The following CLSTN1 variants were observed in gnomAD, a reference collection of about 807,000 sequenced individuals.
CLSTN1 encodes calsyntenin 1, also known as calsyntenin-1.
CLSTN1 carries 28 observed loss-of-function variants against 108.3 expected under a neutral mutation model. That is an observed-to-expected ratio of 0.26 (90% CI 0.19 to 0.35). The LOEUF (loss-of-function observed/expected upper bound fraction) is 0.35, where lower values mean the gene tolerates loss of function less well. Ranked by LOEUF, CLSTN1 falls within the 10% of genes least tolerant of loss-of-function variation. The pLI is 1.00. For missense variants in CLSTN1, 1,157 were observed against 1,302.6 expected (o/e 0.89, Z 1.72); for synonymous variants, 524 against 534.9 (o/e 0.98, Z 0.28).
At chr1:9,761,455 T>G (rs964803553) in intron 2 of CLSTN1, among the ~76,000 whole-genome samples, 5 of 152,282 alleles carry the variant, frequency 3.3e-5, no homozygotes, top group Non-Finnish European at 7.4e-5. Flanking sequence ...ATCATGCCAC[T>G]GCACTCCAGC....
chr1:9,737,616 A>G (rs953606193), intron 10 of CLSTN1, 62 bp from the exon 11 acceptor site: 6 of 1,460,068 alleles, frequency 4.1e-6, no homozygotes, highest in African/African-American at 1.4e-5. Context: ...TTCAAACCGG[A>G]CCTTGAAAAC....
chr1:9,764,200 G>C lies in CLSTN1; in HGVS notation c.215-7690C>G, dbSNP rs539009024. 9.5e-4 allele frequency among the ~76,000 whole-genome samples: 145 copies of C among 151,906 alleles called. 1 individual carries two copies. The highest frequency in any genetic ancestry group is 3.4e-3 in the African/African-American group (141 of 41,412). On this transcript the variant is annotated intron_variant, in intron 2 of 18. Coordinates refer to ENST00000377298, the MANE Select transcript of CLSTN1 (RefSeq NM_001009566.3). ...CTCTTTTTAGCAATGAGCTCTTGTGGGAACTAAAAGAGTGAGAATTCACCC... is the reference window on the plus strand; with the variant it reads ...CTCTTTTTAGCAATGAGCTCTTGTGCGAACTAAAAGAGTGAGAATTCACCC...
chr1:9,738,042 G>A (rs188499402), intron 10 of CLSTN1, among the ~76,000 whole-genome samples: 25 of 152,288 alleles, frequency 1.6e-4, no homozygotes, highest in Non-Finnish European at 5.9e-5. Flanking sequence ...GTAAGCATGC[G>A]GAAGTCTGTA....
chr1:9,790,908 T>C (rs912817746), intron 1 of CLSTN1, among the ~76,000 whole-genome samples: 2 of 148,428 alleles, frequency 1.3e-5, no homozygotes, highest in East Asian at 2.0e-4. Context: ...CCAAGGTGAG[T>C]GGATCATGAG....
rs70998306 is a variant in CLSTN1, at chr1:9,747,176, C to CAA, written c.985+2283_985+2284dup. 4.5e-3 allele frequency among the ~76,000 whole-genome samples: 147 copies of CAA among 32,720 alleles called. 5 individuals carry two copies. Among genetic ancestry groups the CAA allele is most frequent in the African/African-American group, 8.1e-3 (98 of 12,112 alleles). The allele number at this position is 32,720 out of a possible 152,430, so 21.5% of individuals were successfully genotyped here. A position where few individuals can be genotyped will look rare whatever the true frequency, so the allele number is the denominator to read the frequency against. Reference sequence around the variant, plus strand: ...CCTGGGCGACAGAGGGAGACTGTCTCAAAAAAAAAAAAAAAAAAAAAAAAA... The same window carrying CAA: ...CCTGGGCGACAGAGGGAGACTGTCTCAAAAAAAAAAAAAAAAAAAAAAAAAAA... On this transcript the variant is annotated intron_variant, in intron 7 of 18. Transcript: ENST00000377298.
intron 4 of CLSTN1, 44 bp downstream of exon 4, chr1:9,755,070 G>A (rs757561175): frequency 1.9e-6 from 3 of 1,559,096 alleles, no homozygotes; most frequent in Admixed American, 1.7e-5. Context: ...GCGCACACAC[G>A]TTTACTCGGT....
chr1:9,754,885 C>T (rs1651735783), intron 4 of CLSTN1, among the ~76,000 whole-genome samples: 1 of 151,996 alleles, frequency 6.6e-6, no homozygotes, highest in Non-Finnish European at 1.5e-5. Context: ...CCCCAAAAAA[C>T]CTAATATGCC....
chr1:9,797,273 GAGACCCTGTCCAAA>G (rs1020953519), intron 1 of CLSTN1, among the ~76,000 whole-genome samples: 14 of 152,020 alleles, frequency 9.2e-5, no homozygotes, highest in African/African-American at 3.4e-4. Flanking sequence ...GCAATGCAGT[GAGACCCTGTCCAAA>G]AGAAAGAAAA....
intron 1 of CLSTN1, among the ~76,000 whole-genome samples, chr1:9,794,799 A>G (rs1041700970): frequency 1.3e-5 from 2 of 151,528 alleles, no homozygotes; most frequent in African/African-American, 4.8e-5. Context: ...ATCCTTAATC[A>G]AAACATAACA....
chr1:9,760,492 C>T (rs1652018841), intron 2 of CLSTN1, among the ~76,000 whole-genome samples: 1 of 152,070 alleles, frequency 6.6e-6, no homozygotes, highest in Admixed American at 6.6e-5. Context: ...ACGGATCGGA[C>T]TGGAGCAAGA....
chr1:9,803,662 G>A (rs1212526613), intron 1 of CLSTN1, among the ~76,000 whole-genome samples: 2 of 152,018 alleles, frequency 1.3e-5, no homozygotes, highest in African/African-American at 4.8e-5. Context: ...AATTAGCTGG[G>A]TGTGGTGGTA....
intron 1 of CLSTN1, among the ~76,000 whole-genome samples, chr1:9,802,183 A>AT (rs1654302058): frequency 6.6e-6 from 1 of 152,214 alleles, no homozygotes; most frequent in South Asian, 2.1e-4. Flanking sequence ...GTTCATGCTC[A>AT]TAACTGCTCC....
At chr1:9,775,525 G>A (rs1652896217) in intron 1 of CLSTN1, among the ~76,000 whole-genome samples, 1 of 151,894 alleles carries the variant, frequency 6.6e-6, no homozygotes, top group South Asian at 2.1e-4. Flanking sequence ...GATGTCAGAC[G>A]TCCTCCTGGT....
chr1:9,756,122 G>A (rs1299377042), intron 3 of CLSTN1, among the ~76,000 whole-genome samples: 1 of 152,202 alleles, frequency 6.6e-6, no homozygotes, highest in Non-Finnish European at 1.5e-5. Context: ...CAGTATAAAT[G>A]TTTTGATGTC....
intron 1 of CLSTN1, among the ~76,000 whole-genome samples, chr1:9,808,801 T>C (rs1160843821): frequency 1.3e-5 from 2 of 152,104 alleles, no homozygotes; most frequent in African/African-American, 2.4e-5. Flanking sequence ...ATCACTGCTC[T>C]CTGCACCAGC....
rs780808018 is a variant in CLSTN1, at chr1:9,735,866, G to T, written c.1734+19C>A. On this transcript the variant is annotated intron_variant, in intron 12 of 18. Transcript: ENST00000377298. The stretch of plus-strand genomic sequence containing the variant: ...CTAAGGGGCCCATGAGTGGTGTGCA[G>T]TCGAGCGCTCGGTGTTACCTGCACG... The T allele has an allele frequency of 1.2e-6, 2 of 1,613,754 alleles. No homozygotes were observed. The highest frequency in any genetic ancestry group is 1.7e-6 in the Non-Finnish European group (2 of 1,179,862).
chr1:9,777,401 T>A (rs1232175058), intron 1 of CLSTN1, among the ~76,000 whole-genome samples: 2 of 151,168 alleles, frequency 1.3e-5, no homozygotes, highest in Non-Finnish European at 2.9e-5. Context: ...CACACACCTG[T>A]AGTCCCAGCT....
At chr1:9,819,137 A>C (rs1655099596) in intron 1 of CLSTN1, among the ~76,000 whole-genome samples, 1 of 152,162 alleles carries the variant, frequency 6.6e-6, no homozygotes, top group African/African-American at 2.4e-5. Context: ...CACTAAAAAA[A>C]CAAGTTTTAA....
intron 1 of CLSTN1, among the ~76,000 whole-genome samples, chr1:9,800,547 G>A (rs1291474134): frequency 7.6e-6 from 1 of 131,878 alleles, no homozygotes; most frequent in South Asian, 2.5e-4. Context: ...GTGAAACCCC[G>A]TCTCCACTAG....
Sources: gnomAD v4.1 joint callset for allele counts (sites outside exome capture counted in the v4.1 genomes callset) on GRCh38, gnomAD v4.1.1 for gene constraint, MANE v1.5 for transcripts, NCBI Gene and HGNC (gene_info 2026-07-23, HGNC 2026-07-21) for gene names.